SON: variants seen among roughly 807,000 people sequenced by gnomAD.
SON encodes the protein SON DNA and RNA binding protein.
A neutral mutation model predicts 173.3 loss-of-function variants in SON; 4 were observed. The ratio of observed to expected loss-of-function variants is 0.02; its 90% CI spans 0.01 to 0.05. The LOEUF (loss-of-function observed/expected upper bound fraction) is 0.05, where lower values mean the gene tolerates loss of function less well. SON is among the 10% of genes least tolerant of loss of function. The pLI is 1.00. For synonymous variants in SON, 1,190 were observed against 1,105.9 expected (o/e 1.08, Z -1.51); for missense variants, 2,626 against 3,055.3 (o/e 0.86, Z 3.31).
rs770732732 is a variant in SON at position 33,552,965 on chromosome 21, C to T, written c.3734C>T (p.Ala1245Val). The change falls in exon 3 of 12, where the codon GCT becomes GTT. Residue 1245 changes from alanine (A) to valine (V), a missense_variant. Ala to Val is a moderately conservative substitution (Grantham distance 64, BLOSUM62 0). Around this residue, in one of 13 missense-constraint regions of SON, gnomAD observed 1,006 missense variants for 895.6 expected, o/e 1.12. Transcript: ENST00000356577. The surrounding 1 kb of genome is among the most constrained non-coding windows in gnomAD (Gnocchi z 5.6). Reference protein sequence around the residue: ...SDPSVLVSEAAVTVPEPPPEP... With the variant: ...SDPSVLVSEAVVTVPEPPPEP... The stretch of plus-strand genomic sequence containing the variant: ...CCCTCAGTTTTAGTATCAGAGGCTG[C>T]TGTGACTGTTCCAGAACCACCACCA... 1.2e-6 allele frequency: 2 copies of T among 1,614,188 alleles called. No individual in the cohort carries two copies. Among genetic ancestry groups the T allele is most frequent in the East Asian group, 2.2e-5 (1 of 44,890 alleles).
Position 33,553,978 on chromosome 21 carries a change from G to A in SON, c.4747G>A (p.Gly1583Ser). Residue 1583 changes from glycine to serine, a missense_variant, in exon 3 of 12, where the codon GGT (glycine) becomes AGT (serine). This residue lies in a region of SON where 1,006 missense variants were observed against 895.6 expected (regional missense o/e 1.12). Transcript: ENST00000356577. ...GCGCACAGTATTGGATACCTACCCTGGTGTTAGTGAAGCTGATGCAGGAGA... is the reference window on the plus strand; with the variant it reads ...GCGCACAGTATTGGATACCTACCCTAGTGTTAGTGAAGCTGATGCAGGAGA... ...KQRTVLDTYPGVSEADAGETL... is the reference protein window; with the variant it reads ...KQRTVLDTYPSVSEADAGETL... The A allele has an allele frequency of 6.2e-7, 1 of 1,614,080 alleles. No individual in the cohort carries two copies. The highest frequency in any genetic ancestry group is 8.5e-7 in the Non-Finnish European group (1 of 1,179,976).
At position 33,552,272 on chromosome 21, in the gene SON, A is replaced by C; in HGVS notation, c.3041A>C (p.Glu1014Ala). The change falls in exon 3 of 12, where the codon GAA becomes GCA. Residue 1014 changes from glutamate (E) to alanine (A), a missense_variant. Glu to Ala is a moderately radical substitution (Grantham distance 107). This residue lies in a region of SON where 366 missense variants were observed against 448.6 expected (regional missense o/e 0.82). Coordinates refer to ENST00000356577, the MANE Select transcript of SON (RefSeq NM_138927.4). The surrounding 1 kb of genome is among the most constrained non-coding windows in gnomAD (Gnocchi z 5.6). ...GAACGTTCCATGATGTCATCTTACG[A>C]ACGCTCTATGATGTCTTATGAGCGG... ...AAERSMMSSY[E>A]RSMMSYERSM... 1 of 1,614,066 alleles carries C rather than the reference A, an allele frequency of 6.2e-7. No homozygotes were observed. Among genetic ancestry groups the C allele is most frequent in the Non-Finnish European group, 8.5e-7 (1 of 1,180,006 alleles).
In SON at chr21:33,550,332, C is replaced by G; in HGVS notation, c.1101C>G (p.Thr367=). 3 of 1,613,944 alleles carry G rather than the reference C, an allele frequency of 1.9e-6. No homozygotes were observed. The highest frequency in any genetic ancestry group is 2.5e-6 in the Non-Finnish European group (3 of 1,179,970). The change falls in exon 3 of 12, where the codon ACC becomes ACG. Residue 367 remains threonine, a synonymous_variant. Coordinates refer to ENST00000356577, the MANE Select transcript of SON (RefSeq NM_138927.4). ...RPQELPELPK[T]TALELQESSV... ...AGGAGTTGCCGGAGCTGCCTAAGAC[C>G]ACAGCGTTGGAGCTGCAGGAGTCGT...
chr21:33,543,269 A>AGGCCCCGCTAG (rs2085503620), intron 1 of SON, 100 bp downstream of exon 1: 2 of 1,112,736 alleles, frequency 1.8e-6, no homozygotes, highest in African/African-American at 1.5e-5. Context: ...TCCCCGGCTC[A>AGGCCCCGCTAG]GGCCCCGCTA....
chr21:33,549,827 C>G lies in SON; in HGVS notation c.596C>G (p.Pro199Arg). The change falls in exon 3 of 12, where the codon CCA becomes CGA. Residue 199 changes from proline to arginine, a missense_variant. By Grantham distance (103) the Pro-to-Arg change is moderately radical. Transcript: ENST00000356577. The part of the protein sequence containing the change: ...PPVVSMEVSE[P>R]HILETLKPAT... The stretch of plus-strand genomic sequence containing the variant: ...GTAGTATCAATGGAGGTATCAGAGC[C>G]ACACATCTTAGAAACTCTGAAGCCA... 1.2e-6 allele frequency: 2 copies of G among 1,614,220 alleles called. No individual in the cohort carries two copies. The highest frequency in any genetic ancestry group is 1.7e-6 in the Non-Finnish European group (2 of 1,180,044).
chr21:33,564,062 G>C (rs1230299126), intron 6 of SON, among the ~76,000 whole-genome samples: 1 of 152,006 alleles, frequency 6.6e-6, no homozygotes, highest in Admixed American at 6.5e-5. Context: ...ATAGTGTATT[G>C]GTAGAAACTA....
intron 11 of SON, among the ~76,000 whole-genome samples, chr21:33,576,132 T>C (rs1441089254): frequency 6.6e-6 from 1 of 152,176 alleles, no homozygotes; most frequent in African/African-American, 2.4e-5. Flanking sequence ...TCTAGTTGAA[T>C]GTGGGGAATT....
At position 33,550,849 on chromosome 21, in the gene SON, C is replaced by G. The variant is rs781116116; in HGVS notation, c.1618C>G (p.Pro540Ala). The part of the protein sequence containing the change: ...VTTATGLLGQ[P>A]EATMVLELPG... ...AACGGCAACAGGGTTGCTGGGGCAG[C>G]CTGAGGCAACGATGGTGCTGGAGTT... Residue 540 changes from proline (P) to alanine (A), a missense_variant, in exon 3 of 12, where the codon CCT (proline) becomes GCT (alanine). Around this residue, in one of 13 missense-constraint regions of SON, gnomAD observed 757 missense variants for 730.1 expected, o/e 1.04. Coordinates refer to ENST00000356577, the MANE Select transcript of SON (RefSeq NM_138927.4). 2.5e-6 allele frequency: 4 copies of G among 1,613,398 alleles called. No individual in the cohort carries two copies. The African/African-American group carries it at 5.3e-5, about 22-fold the overall frequency.
chr21:33,555,300 C>T lies in SON; in HGVS notation c.6069C>T (p.Pro2023=), dbSNP rs761935944. Residue 2023 remains proline, a synonymous_variant, in exon 3 of 12, where the codon CCC becomes CCT. Transcript: ENST00000356577. ...TCAGATTAAGGCGATCAAGAACACC[C>T]TTAAGAAGAAGGTTTAGCAGATCTC... is the stretch of plus-strand genomic sequence containing the variant. ...SPVRLRRSRT[P]LRRRFSRSPI... The T allele has an allele frequency of 3.1e-6, 5 of 1,610,532 alleles. No individual in the cohort carries two copies. In the South Asian group the frequency reaches 3.3e-5, roughly 11 times the overall value.
At chr21:33,573,781 C>A (rs754256919) in intron 9 of SON, among the ~76,000 whole-genome samples, 2 of 152,156 alleles carry the variant, frequency 1.3e-5, no homozygotes, top group Non-Finnish European at 2.9e-5. Context: ...ATTTTATTTT[C>A]TCTTGACAAG....
rs755193314 is a variant in SON, at chr21:33,551,421, C to T, written c.2190C>T (p.Thr730=). 8 of 1,614,116 alleles carry T rather than the reference C, an allele frequency of 5.0e-6. No individual in the cohort carries two copies. The highest frequency in any genetic ancestry group is 1.7e-5 in the Admixed American group (1 of 60,020). The stretch of plus-strand genomic sequence containing the variant: ...AGACCCATATATTAGCATCCAACAC[C>T]ATGGACTCCCAAATGCTAGCGTCCA... The part of the protein sequence containing the change: ...TMETHILASN[T]MDSQMLASNT... Residue 730 remains threonine (T), a synonymous_variant, in exon 3 of 12, where the codon ACC becomes ACT. Coordinates refer to ENST00000356577, the MANE Select transcript of SON (RefSeq NM_138927.4).
chr21:33,576,276 AATT>A, intron 11 of SON, 86 bp from the exon 12 acceptor site: 1 of 755,072 alleles, frequency 1.3e-6, no homozygotes, highest in East Asian at 2.5e-5. Flanking sequence ...TATTTTTGTA[AATT>A]ATTTTTCTAG....
chr21:33,559,095 C>A lies in SON; in HGVS notation c.6322-135C>A. The A allele has an allele frequency of 1.6e-6, 1 of 631,970 alleles. No homozygotes were observed. Among genetic ancestry groups the A allele is most frequent in the Non-Finnish European group, 2.6e-6 (1 of 391,240 alleles). 39.1% of individuals were successfully genotyped at this position (631,970 alleles called of 1,614,324 possible). On this transcript the variant is annotated intron_variant, in intron 4 of 11. Transcript: ENST00000356577. The surrounding 1 kb of genome is among the most constrained non-coding windows in gnomAD (Gnocchi z 4.1). ...TGTGTTTAAATAGTAGTTAATATGC[C>A]AAGTTACGTATCTATAACCTATCAT...
At chr21:33,543,564 G>A (rs1183033490) in intron 1 of SON, 2 of 261,934 alleles carry the variant, frequency 7.6e-6, no homozygotes, top group Non-Finnish European at 1.5e-5. Context: ...GATTTTGCCG[G>A]CCGGTGCCTA....
intron 8 of SON, 90 bp downstream of exon 8, chr21:33,569,177 ACT>A: frequency 1.4e-6 from 1 of 728,886 alleles, no homozygotes; most frequent in Non-Finnish European, 2.4e-6. Context: ...AAGACCAGTG[ACT>A]CTAACCAAAG....
chr21:33,553,702 T>C lies in SON; in HGVS notation c.4471T>C (p.Ser1491Pro), dbSNP rs2145833754. 6.2e-7 allele frequency: 1 copy of C among 1,614,044 alleles called. No individual in the cohort carries two copies. The highest frequency in any genetic ancestry group is 8.5e-7 in the Non-Finnish European group (1 of 1,180,004). Residue 1491 changes from serine (S) to proline (P), a missense_variant, in exon 3 of 12, where the codon TCT becomes CCT. Ser to Pro is a moderately conservative substitution (Grantham distance 74). Coordinates refer to ENST00000356577, the MANE Select transcript of SON (RefSeq NM_138927.4). ...SHVMKGINLS[S>P]GDQNLAPEIG... is the part of the protein sequence containing the mutation. ...TGTTATGAAAGGAATTAATCTATCC[T>C]CTGGTGATCAAAATCTTGCTCCAGA...
At chr21:33,567,510 T>C (rs1201477855) in intron 7 of SON, 3 of 473,776 alleles carry the variant, frequency 6.3e-6, no homozygotes, top group Non-Finnish European at 1.2e-5. Context: ...TAGAAAAATT[T>C]CCCTGTCCTC....
At position 33,569,062 on chromosome 21, in the gene SON, C is replaced by T. The variant is rs1273346171; in HGVS notation, c.6860C>T (p.Thr2287Ile). The T allele has an allele frequency of 6.2e-7, 1 of 1,606,336 alleles. No individual in the cohort carries two copies. Among genetic ancestry groups the T allele is most frequent in the Non-Finnish European group, 8.5e-7 (1 of 1,172,968 alleles). The stretch of plus-strand genomic sequence containing the variant: ...TTGACACAAGAACAGTTGGCCAATA[C>T]TGGTGCCCAAGCCTGGATTAAAAAG... ...QVLTQEQLAN[T>I]GAQAWIKKDQ... The change falls in exon 8 of 12, where the codon ACT becomes ATT. Residue 2287 changes from threonine to isoleucine, a missense_variant. Physicochemically the swap from Thr to Ile is moderately conservative, Grantham distance 89 (BLOSUM62 -1). Transcript: ENST00000356577.
chr21:33,573,644 C>A (rs923959200), intron 9 of SON, among the ~76,000 whole-genome samples, 189 bp downstream of exon 9: 3 of 152,120 alleles, frequency 2.0e-5, no homozygotes, highest in Non-Finnish European at 2.9e-5. Flanking sequence ...GATAGAGACA[C>A]CAGTTTGAAC....
Sources: gnomAD v4.1 joint callset for allele counts (sites outside exome capture counted in the v4.1 genomes callset) on GRCh38, gnomAD v4.1.1 for gene constraint, gnomAD v4.1.1 regional missense constraint, Gnocchi (gnomAD v3.1) non-coding constraint, MANE v1.5 for transcripts, NCBI Gene and HGNC (gene_info 2026-07-23, HGNC 2026-07-21) for gene names.